Variants in ZMYM5 observed in about 807,000 individuals in gnomAD.
The protein encoded by ZMYM5 is zinc finger MYM-type protein 5.
Under a neutral mutation model 61.8 loss-of-function variants are expected in ZMYM5, and 41 were observed. That is an observed-to-expected ratio of 0.66 (90% CI 0.52 to 0.86). ZMYM5 has a LOEUF of 0.86. ZMYM5 is among the 40% of genes least tolerant of loss of function. The probability of loss-of-function intolerance (pLI) is 0.00; values close to 1 mark genes in which losing one functional copy is unlikely to be tolerated. For synonymous variants in ZMYM5, 257 were observed against 276.4 expected, an observed-to-expected ratio of 0.93 and a Z score of 0.70; for missense variants, 706 against 786.7, an observed-to-expected ratio of 0.90 and a Z score of 1.23.
intron 4 of ZMYM5, among the ~76,000 whole-genome samples, chr13:19,839,189 A>C (rs1952777371): frequency 6.6e-6 from 1 of 152,178 alleles, no homozygotes; most frequent in South Asian, 2.1e-4. Context: ...TGCCAACAAT[A>C]ATAATAAAGT....
Position 19,854,540 on chromosome 13 carries a change from G to A in ZMYM5, c.-10-2350C>T, listed in dbSNP as rs188579945. Among the ~76,000 whole-genome samples the A allele has an allele frequency of 3.4e-3, 502 of 149,724 alleles. 2 individuals carry two copies. The highest frequency in any genetic ancestry group is 0.01 in the Admixed American group (151 of 14,806). On this transcript the variant is annotated intron_variant, in intron 2 of 7. Transcript: ENST00000337963. ...CTCAGGAGTCTGAGGCAAGAGAATC[G>A]CTTGAACCCGGGAGGCAGAGGAGGT...
At chr13:19,828,123 A>G (rs1891011775) in intron 7 of ZMYM5, among the ~76,000 whole-genome samples, 1 of 152,148 alleles carries the variant, frequency 6.6e-6, no homozygotes, top group Non-Finnish European at 1.5e-5. Flanking sequence ...AAAGAAAATA[A>G]AAATGGACTT....
chr13:19,835,454 T>A, intron 7 of ZMYM5, 23 bp downstream of exon 7: 1 of 1,343,128 alleles, frequency 7.4e-7, no homozygotes, highest in Non-Finnish European at 1.0e-6. Context: ...TTTGATCATT[T>A]AAAGCTCATG....
chr13:19,854,550 G>A (rs942064396), intron 2 of ZMYM5, among the ~76,000 whole-genome samples: 2 of 151,346 alleles, frequency 1.3e-5, no homozygotes, highest in Admixed American at 6.6e-5. Context: ...GCTTGAACCC[G>A]GGAGGCAGAG....
chr13:19,854,203 T>C (rs1404575608), intron 2 of ZMYM5, among the ~76,000 whole-genome samples: 2 of 151,498 alleles, frequency 1.3e-5, no homozygotes, highest in Non-Finnish European at 2.9e-5. Flanking sequence ...AGATACGGGG[T>C]TTCACCAAGT....
chr13:19,847,481 A>C (rs1054609571), intron 4 of ZMYM5, among the ~76,000 whole-genome samples: 1 of 152,184 alleles, frequency 6.6e-6, no homozygotes, highest in African/African-American at 2.4e-5. Context: ...GAGAAGCCAG[A>C]TATACCTGTC....
intron 2 of ZMYM5, among the ~76,000 whole-genome samples, chr13:19,857,413 A>G (rs1953555089): frequency 6.6e-6 from 1 of 152,250 alleles, no homozygotes; most frequent in South Asian, 2.1e-4. Context: ...CTCTTCTTGT[A>G]GACTACTTTC....
At chr13:19,837,928 G>C in intron 5 of ZMYM5, 107 bp from the exon 6 acceptor site, 1 of 1,257,682 alleles carries the variant, frequency 8.0e-7, no homozygotes, top group Non-Finnish European at 1.1e-6. Flanking sequence ...TTTAATACTA[G>C]AAATCAAGTA....
At chr13:19,857,996 G>C (rs1156291881) in intron 2 of ZMYM5, among the ~76,000 whole-genome samples, 1 of 151,834 alleles carries the variant, frequency 6.6e-6, no homozygotes, top group South Asian at 2.1e-4. Context: ...CTGGGCAACA[G>C]AGCAAGACCC....
rs763535179 is a variant in ZMYM5 at position 19,838,868 on chromosome 13, T to C, written c.704A>G (p.Gln235Arg). The change falls in exon 5 of 8, where the codon CAA (glutamine) becomes CGA (arginine). Residue 235 changes from glutamine (Q) to arginine (R), a missense_variant. Physicochemically the swap from Gln to Arg is conservative, Grantham distance 43. This residue lies in a region of ZMYM5 where 480 missense variants were observed against 461.7 expected (regional missense o/e 1.04). Transcript: ENST00000337963. ...AGTGATTTTAGCTGGTTTAGTAAGT[T>C]GTTGTTGGGCTGTAGGCTGGAAATT... ...KQNFQPTAQQ[Q>R]LTKPAKITCA... 22 of 1,613,730 alleles carry C rather than the reference T, an allele frequency of 1.4e-5. No homozygotes were observed. Among genetic ancestry groups the C allele is most frequent in the Non-Finnish European group, 1.7e-5 (20 of 1,179,834 alleles).
intron 7 of ZMYM5, 83 bp downstream of exon 7, chr13:19,835,394 T>C: frequency 2.1e-6 from 2 of 952,278 alleles, no homozygotes; most frequent in South Asian, 3.0e-5. Context: ...TAAATGAGAT[T>C]CTAAGATAAA....
intron 2 of ZMYM5, among the ~76,000 whole-genome samples, chr13:19,854,498 G>A (rs1166927578): frequency 6.6e-6 from 1 of 151,834 alleles, no homozygotes; most frequent in Non-Finnish European, 1.5e-5. Flanking sequence ...GGTGGCAGGC[G>A]CCTGTAATCC....
At chr13:19,845,577 T>G (rs1953047846) in intron 4 of ZMYM5, among the ~76,000 whole-genome samples, 1 of 152,216 alleles carries the variant, frequency 6.6e-6, no homozygotes, top group Non-Finnish European at 1.5e-5. Flanking sequence ...GCTGCACTTC[T>G]AATCAACTGG....
chr13:19,828,039 AAAG>A (rs1891005664), intron 7 of ZMYM5, among the ~76,000 whole-genome samples: 4 of 151,720 alleles, frequency 2.6e-5, no homozygotes, highest in South Asian at 2.1e-4. Context: ...AAAAAAAAAA[AAAG>A]ATGTATAAAA....
At position 19,860,888 on chromosome 13, in the gene ZMYM5, G is replaced by T. The variant is rs1048280363; in HGVS notation, c.-11+1511C>A. Among the ~76,000 whole-genome samples the T allele has an allele frequency of 5.3e-5, 8 of 151,654 alleles. No individual in the cohort carries two copies. In the South Asian group the frequency reaches 8.4e-4, roughly 16 times the overall value. ...GGATAAGGATTATATCTCAGGTGGG[G>T]GGGGGGGAATTGTATCTCCCACTAA... On this transcript the variant is annotated intron_variant, in intron 2 of 7. Coordinates refer to ENST00000337963, the MANE Select transcript of ZMYM5 (RefSeq NM_001142684.2).
chr13:19,853,639 A>C (rs1593910946), intron 2 of ZMYM5, among the ~76,000 whole-genome samples: 5 of 139,740 alleles, frequency 3.6e-5, no homozygotes, highest in Admixed American at 7.5e-5. Context: ...GTCCTGTCTC[A>C]CTCTGTCACT....
chr13:19,830,707 G>A lies in ZMYM5; in HGVS notation c.1251+4770C>T, dbSNP rs1438432869. Among the ~76,000 whole-genome samples the A allele has an allele frequency of 2.6e-5, 4 of 151,864 alleles. No homozygotes were observed. The East Asian group carries it at 5.8e-4, about 22-fold the overall frequency. ...TGTCACCACACCTGGCTAATTTTTTGTAGAGACAGGGGCTCACCATGTTGC... is the reference window on the plus strand; with the variant it reads ...TGTCACCACACCTGGCTAATTTTTTATAGAGACAGGGGCTCACCATGTTGC... On this transcript the variant is annotated intron_variant, in intron 7 of 7. Coordinates refer to ENST00000337963, the MANE Select transcript of ZMYM5 (RefSeq NM_001142684.2).
At chr13:19,860,741 A>C (rs1275239519) in intron 2 of ZMYM5, among the ~76,000 whole-genome samples, 1 of 151,746 alleles carries the variant, frequency 6.6e-6, no homozygotes, top group Non-Finnish European at 1.5e-5. Flanking sequence ...CCCAGCCAAC[A>C]CTTCTAATAT....
In ZMYM5 at chr13:19,838,682, T is replaced by G. The variant is rs199536667; in HGVS notation, c.872+18A>C. On this transcript the variant is annotated intron_variant, in intron 5 of 7. Transcript: ENST00000337963. ...TAGTATTCAACTATGTGGAGAAATG[T>G]TGAAAGGTACTGCTTACTTTTTACA... 9 of 1,611,858 alleles carry G rather than the reference T, an allele frequency of 5.6e-6. No individual in the cohort carries two copies. Among genetic ancestry groups the G allele is most frequent in the Non-Finnish European group, 6.8e-6 (8 of 1,178,308 alleles).
Sources: gnomAD v4.1 joint callset for allele counts (sites outside exome capture counted in the v4.1 genomes callset) on GRCh38, gnomAD v4.1.1 for gene constraint, gnomAD v4.1.1 regional missense constraint, MANE v1.5 for transcripts, NCBI Gene and HGNC (gene_info 2026-07-23, HGNC 2026-07-21) for gene names.